Variants in ESS2 observed in about 807,000 individuals in gnomAD.
ESS2 encodes the protein ess-2 spliceosome associated protein.
In ESS2, 31 loss-of-function variants were observed where a neutral mutation model predicts 52.0. The ratio of observed to expected loss-of-function variants is 0.60; its 90% CI spans 0.45 to 0.81. The LOEUF (loss-of-function observed/expected upper bound fraction) is 0.81, where lower values mean the gene tolerates loss of function less well. Ranked by LOEUF, ESS2 falls within the 30% of genes least tolerant of loss-of-function variation. The probability of loss-of-function intolerance (pLI) is 0.00; values close to 1 mark genes in which losing one functional copy is unlikely to be tolerated. For missense variants in ESS2, 602 were observed against 637.2 expected (o/e 0.94, Z 0.59); for synonymous variants, 285 against 259.2 (o/e 1.10, Z -0.95).
chr22:19,136,638 G>A (rs2083587002), intron 8 of ESS2, among the ~76,000 whole-genome samples: 1 of 152,122 alleles, frequency 6.6e-6, no homozygotes, highest in African/African-American at 2.4e-5. Flanking sequence ...TACCTCAGAA[G>A]CACCTCAGCC....
Position 19,134,210 on chromosome 22 carries a change from A to G in ESS2, c.1417T>C (p.Ser473Pro), listed in dbSNP as rs1168613190. The change falls in exon 10 of 10, where the codon TCG (serine) becomes CCG (proline). Residue 473 changes from serine to proline, a missense_variant. Transcript: ENST00000252137. ...LLQLPARRKA[S>P]DFF ...CAGGCCTGGCTCTAAAAGAAGTCCG[A>G]AGCTTTGCGCCGGGCAGGGAGCTGC... is the stretch of plus-strand genomic sequence containing the variant. 1 of 1,515,956 alleles carries G rather than the reference A, an allele frequency of 6.6e-7. No homozygotes were observed. Among genetic ancestry groups the G allele is most frequent in the African/African-American group, 1.4e-5 (1 of 71,412 alleles). 93.9% of individuals were successfully genotyped at this position (1,515,956 alleles called of 1,614,324 possible).
At chr22:19,137,208 T>C in intron 8 of ESS2, 115 bp downstream of exon 8, 1 of 740,964 alleles carries the variant, frequency 1.3e-6, no homozygotes. Context: ...AAGCCAGCAC[T>C]CTGCCCGTCA....
intron 8 of ESS2, 58 bp from the exon 9 acceptor site, chr22:19,135,233 C>T: frequency 4.2e-6 from 6 of 1,442,074 alleles, no homozygotes; most frequent in South Asian, 1.2e-5. Context: ...CCAGGCAGCC[C>T]CTCACACAGA....
Position 19,130,539 on chromosome 22 carries a change from G to A in ESS2, c.*3657C>T, listed in dbSNP as rs1224098247. 7.0e-6 allele frequency: 3 copies of A among 429,146 alleles called. No individual in the cohort carries two copies. The highest frequency in any genetic ancestry group is 1.4e-5 in the Non-Finnish European group (3 of 220,640). 26.6% of individuals were successfully genotyped at this position (429,146 alleles called of 1,614,324 possible). A position where few individuals can be genotyped will look rare whatever the true frequency, so the allele number is the denominator to read the frequency against. On this transcript the variant is annotated 3_prime_UTR_variant, in exon 10 of 10. Transcript: ENST00000252137. ...AAGGCCTGTCTACTGTGGTACCGGA[G>A]TGATTATTTCGATTGTATCTCCTTT...
At chr22:19,141,852 G>T (rs1304567980) in intron 3 of ESS2, among the ~76,000 whole-genome samples, 1 of 152,150 alleles carries the variant, frequency 6.6e-6, no homozygotes, top group Non-Finnish European at 1.5e-5. Context: ...AGCCAGGAGT[G>T]GTGGCAGGCG....
Position 19,132,410 on chromosome 22 carries a change from G to A in ESS2, c.*1786C>T. The A allele has an allele frequency of 6.2e-7, 1 of 1,612,964 alleles. No homozygotes were observed. Among genetic ancestry groups the A allele is most frequent in the Non-Finnish European group, 8.5e-7 (1 of 1,180,000 alleles). On this transcript the variant is annotated 3_prime_UTR_variant, in exon 10 of 10. Coordinates refer to ENST00000252137, the MANE Select transcript of ESS2 (RefSeq NM_022719.3). This position sits in a 1 kb window ranked among gnomAD's most constrained non-coding sequence, Gnocchi z 4.2. The stretch of plus-strand genomic sequence containing the variant: ...ACGAGAACAGGATGGAGGACAGGCT[G>A]GCCGAGACCTCCAGGGCCAAAGACC...
At position 19,131,307 on chromosome 22, in the gene ESS2, C is replaced by T. The variant is rs1213285990; in HGVS notation, c.*2889G>A. 1.0e-5 allele frequency: 12 copies of T among 1,182,844 alleles called. No homozygotes were observed. The highest frequency in any genetic ancestry group is 1.5e-5 in the African/African-American group (1 of 64,936). The allele number at this position is 1,182,844 out of a possible 1,614,324, so 73.3% of individuals were successfully genotyped here. A position where few individuals can be genotyped will look rare whatever the true frequency, so the allele number is the denominator to read the frequency against. On this transcript the variant is annotated 3_prime_UTR_variant, in exon 10 of 10. Coordinates refer to ENST00000252137, the MANE Select transcript of ESS2 (RefSeq NM_022719.3). This position sits in a 1 kb window ranked among gnomAD's most constrained non-coding sequence, Gnocchi z 5.7. ...GAAGCCCAGCCCAGGGCAGCCCAGC[C>T]AGACGCCTCCGGTAGTGTAAATGAG...
chr22:19,142,961 C>CT (rs2083717163), intron 1 of ESS2, 67 bp from the exon 2 acceptor site: 1 of 1,468,538 alleles, frequency 6.8e-7, no homozygotes, highest in South Asian at 1.3e-5. Flanking sequence ...AATCCCAACA[C>CT]TTTGGGAGGC....
rs1257962369 is a variant in ESS2, at chr22:19,130,678, G to C, written c.*3518C>G. ...GACCCGAGATGGGTCCTGGCACTAG[G>C]AATGTAAAACCGTTCCTATTATTTT... On this transcript the variant is annotated 3_prime_UTR_variant, in exon 10 of 10. Coordinates refer to ENST00000252137, the MANE Select transcript of ESS2 (RefSeq NM_022719.3). The C allele has an allele frequency of 4.1e-6, 1 of 242,912 alleles. No homozygotes were observed. The highest frequency in any genetic ancestry group is 8.1e-6 in the Non-Finnish European group (1 of 122,718). The allele number at this position is 242,912 out of a possible 1,614,324, so 15.0% of individuals were successfully genotyped here.
In ESS2 at chr22:19,131,243, G is replaced by A. The variant is rs2083502834; in HGVS notation, c.*2953C>T. Reference sequence around the variant, plus strand: ...TGGCTTTATGAGTTCATTGGCTGAAGTCACCCGGAGACAATGCTGAGTGTT... The same window carrying A: ...TGGCTTTATGAGTTCATTGGCTGAAATCACCCGGAGACAATGCTGAGTGTT... On this transcript the variant is annotated 3_prime_UTR_variant, in exon 10 of 10. Coordinates refer to ENST00000252137, the MANE Select transcript of ESS2 (RefSeq NM_022719.3). This position sits in a 1 kb window ranked among gnomAD's most constrained non-coding sequence, Gnocchi z 5.7. 1.6e-6 allele frequency: 1 copy of A among 636,208 alleles called. No homozygotes were observed. The highest frequency in any genetic ancestry group is 1.8e-5 in the African/African-American group (1 of 54,494). The allele number at this position is 636,208 out of a possible 1,614,324, so 39.4% of individuals were successfully genotyped here. A position where few individuals can be genotyped will look rare whatever the true frequency, so the allele number is the denominator to read the frequency against.
At position 19,134,040 on chromosome 22, in the gene ESS2, T is replaced by A; in HGVS notation, c.*156A>T. 2.2e-6 allele frequency: 2 copies of A among 920,436 alleles called. No individual in the cohort carries two copies. The highest frequency in any genetic ancestry group is 4.1e-5 in the Admixed American group (1 of 24,464). The allele number at this position is 920,436 out of a possible 1,614,324, so 57.0% of individuals were successfully genotyped here. A position where few individuals can be genotyped will look rare whatever the true frequency, so the allele number is the denominator to read the frequency against. On this transcript the variant is annotated 3_prime_UTR_variant, in exon 10 of 10. Transcript: ENST00000252137. ...TGTGGGCACGAGTGCCTTGTGCCAG[T>A]CTGGCCCCAGCACAGCCCCTTTCTC...
rs1208773225 is a variant in ESS2, at chr22:19,131,628, G to A, written c.*2568C>T. 6.8e-6 allele frequency: 11 copies of A among 1,613,916 alleles called. No homozygotes were observed. Among genetic ancestry groups the A allele is most frequent in the South Asian group, 3.3e-5 (3 of 91,072 alleles). On this transcript the variant is annotated 3_prime_UTR_variant, in exon 10 of 10. Transcript: ENST00000252137. This position sits in a 1 kb window ranked among gnomAD's most constrained non-coding sequence, Gnocchi z 5.7. ...CCACGGCTCCATCATCAAGACTTAC[G>A]AGATCTTTGAGACCTCTGACGGACG...
intron 3 of ESS2, 68 bp from the exon 4 acceptor site, chr22:19,140,092 C>A: frequency 6.4e-7 from 1 of 1,570,580 alleles, no homozygotes; most frequent in South Asian, 1.1e-5. Flanking sequence ...GACACCCAGG[C>A]CCAGGAATCA....
Position 19,139,725 on chromosome 22 carries a change from T to C in ESS2, c.575A>G (p.Gln192Arg), listed in dbSNP as rs200196233. The change falls in exon 5 of 10, where the codon CAG becomes CGG. Residue 192 changes from glutamine to arginine, a missense_variant. Physicochemically the swap from Gln to Arg is conservative, Grantham distance 43. Coordinates refer to ENST00000252137, the MANE Select transcript of ESS2 (RefSeq NM_022719.3). ...TGACGGGAGTTCGAGATTATCTTTC[T>C]GCCTCTGCAATCACATGGGGAAAAG... ...YQAEEEFEKR[Q>R]KDNLELPSAE... 149 of 1,614,100 alleles carry C rather than the reference T, an allele frequency of 9.2e-5. No individual in the cohort carries two copies. The highest frequency in any genetic ancestry group is 1.3e-4 in the Non-Finnish European group (148 of 1,180,038).
rs375321180 is a variant in ESS2, at chr22:19,144,633, G to C, written c.8C>G (p.Thr3Arg). Residue 3 changes from threonine (T) to arginine (R), a missense_variant, in exon 1 of 10, where the codon ACG becomes AGG. Physicochemically the swap from Thr to Arg is moderately conservative, Grantham distance 71. Coordinates refer to ENST00000252137, the MANE Select transcript of ESS2 (RefSeq NM_022719.3). Reference protein sequence around the residue: METPGASASSLLL... With the variant: MERPGASASSLLL... The stretch of plus-strand genomic sequence containing the variant: ...CAAGGACGACGCTGATGCGCCCGGC[G>C]TCTCCATCGCTATCCCAGGAAAAAG... 573 of 1,524,168 alleles carry C rather than the reference G, an allele frequency of 3.8e-4. No individual in the cohort carries two copies. The highest frequency in any genetic ancestry group is 4.9e-4 in the Non-Finnish European group (557 of 1,130,626). 94.4% of individuals were successfully genotyped at this position (1,524,168 alleles called of 1,614,324 possible).
At position 19,139,762 on chromosome 22, in the gene ESS2, G is replaced by T. The variant is rs778288155; in HGVS notation, c.571-33C>A. 4 of 1,613,954 alleles carry T rather than the reference G, an allele frequency of 2.5e-6. No individual in the cohort carries two copies. In the Admixed American group the frequency reaches 6.7e-5, roughly 27 times the overall value. On this transcript the variant is annotated intron_variant, in intron 4 of 9. Transcript: ENST00000252137. ...CACATGGGGAAAAGTGATGGTCAGA[G>T]ATGCCCCTGGGCATTGTACCCATGG...
Position 19,139,306 on chromosome 22 carries a change from C to T in ESS2, c.689-14G>A. 6.4e-7 allele frequency: 1 copy of T among 1,572,510 alleles called. No homozygotes were observed. Among genetic ancestry groups the T allele is most frequent in the East Asian group, 2.3e-5 (1 of 43,760 alleles). The stretch of plus-strand genomic sequence containing the variant: ...CGTCAGGGACACCTGGCAGACGAAG[C>T]AAAGGTAGCAGCAGGTGTCAGAAGG... On this transcript the variant is annotated splice_polypyrimidine_tract_variant and intron_variant, in intron 5 of 9. Transcript: ENST00000252137.
In ESS2 at chr22:19,131,778, T is replaced by C; in HGVS notation, c.*2418A>G. 6.2e-7 allele frequency: 1 copy of C among 1,614,166 alleles called. No homozygotes were observed. Among genetic ancestry groups the C allele is most frequent in the Non-Finnish European group, 8.5e-7 (1 of 1,180,032 alleles). ...ACAGCTCTCCTCCGCCGTCAAGTACTGCCACGACCTGGACATCGTCCACCG... is the reference window on the plus strand; with the variant it reads ...ACAGCTCTCCTCCGCCGTCAAGTACCGCCACGACCTGGACATCGTCCACCG... On this transcript the variant is annotated 3_prime_UTR_variant, in exon 10 of 10. Coordinates refer to ENST00000252137, the MANE Select transcript of ESS2 (RefSeq NM_022719.3). The surrounding 1 kb of genome is among the most constrained non-coding windows in gnomAD (Gnocchi z 5.7).
chr22:19,131,662 T>G lies in ESS2; in HGVS notation c.*2534A>C. ...GAGACCTCTGACGGACGGATCTACATCATCATGGAGCTTGGCGTCCAGGGC... is the reference window on the plus strand; with the variant it reads ...GAGACCTCTGACGGACGGATCTACAGCATCATGGAGCTTGGCGTCCAGGGC... On this transcript the variant is annotated 3_prime_UTR_variant, in exon 10 of 10. Coordinates refer to ENST00000252137, the MANE Select transcript of ESS2 (RefSeq NM_022719.3). This position sits in a 1 kb window ranked among gnomAD's most constrained non-coding sequence, Gnocchi z 5.7. The G allele has an allele frequency of 1.2e-6, 2 of 1,613,880 alleles. No homozygotes were observed. The highest frequency in any genetic ancestry group is 1.7e-6 in the Non-Finnish European group (2 of 1,179,950).
Sources: gnomAD v4.1 joint callset for allele counts (sites outside exome capture counted in the v4.1 genomes callset) on GRCh38, gnomAD v4.1.1 for gene constraint, Gnocchi (gnomAD v3.1) non-coding constraint, MANE v1.5 for transcripts, NCBI Gene and HGNC (gene_info 2026-07-23, HGNC 2026-07-21) for gene names.